Variants in SPATA13 observed in about 807,000 individuals in gnomAD.
SPATA13 encodes spermatogenesis associated 13, also known as spermatogenesis-associated protein 13.
SPATA13 carries 50 observed loss-of-function variants against 104.0 expected under a neutral mutation model. The ratio of observed to expected loss-of-function variants is 0.48; its 90% CI spans 0.38 to 0.61. The LOEUF (loss-of-function observed/expected upper bound fraction) is 0.61. SPATA13 is among the 20% of genes least tolerant of loss of function. The probability of loss-of-function intolerance (pLI) is 0.00; values close to 1 mark genes in which losing one functional copy is unlikely to be tolerated. For synonymous variants in SPATA13, 606 were observed against 667.5 expected (o/e 0.91, Z 1.42); for missense variants, 1,524 against 1,690.6 (o/e 0.90, Z 1.73).
At chr13:24,116,225 A>G (rs1292443042) in intron 3 of SPATA13, among the ~76,000 whole-genome samples, 1 of 152,236 alleles carries the variant, frequency 6.6e-6, no homozygotes, top group African/African-American at 2.4e-5. Flanking sequence ...CCTGCTTTTC[A>G]TGGATTGCAT....
intron 3 of SPATA13, among the ~76,000 whole-genome samples, chr13:24,053,168 G>C (rs570990294): frequency 2.6e-5 from 4 of 152,202 alleles, no homozygotes; most frequent in African/African-American, 9.6e-5. Context: ...TGAGCAGCAA[G>C]AACATTTTTG....
chr13:24,120,267 T>G (rs1203555039), intron 3 of SPATA13, among the ~76,000 whole-genome samples: 1 of 152,204 alleles, frequency 6.6e-6, no homozygotes, highest in Non-Finnish European at 1.5e-5. Flanking sequence ...AATTGGAGTG[T>G]AACTACAGGG....
In SPATA13 at chr13:24,114,791, T is replaced by C. The variant is rs776617089; in HGVS notation, c.-112+97090T>C. ...GATTCTCTTGTCTCAGCCTCCCGAG[T>C]AGCTGAAAATACAAGCATGCACCAC... On this transcript the variant is annotated intron_variant, in intron 3 of 14. Transcript: ENST00000424834. Among the ~76,000 whole-genome samples, 6 of 152,074 alleles carry C rather than the reference T, an allele frequency of 3.9e-5. 1 individual carries two copies. Among genetic ancestry groups the C allele is most frequent in the Non-Finnish European group, 8.8e-5 (6 of 68,006 alleles).
At chr13:24,102,182 T>G (rs1220450174) in intron 3 of SPATA13, among the ~76,000 whole-genome samples, 1 of 152,182 alleles carries the variant, frequency 6.6e-6, no homozygotes, top group East Asian at 1.9e-4. Context: ...CTCTAACAGG[T>G]GTGAGTGTAT....
chr13:24,148,358 TG>T (rs1217657666), intron 3 of SPATA13, among the ~76,000 whole-genome samples: 2 of 125,820 alleles, frequency 1.6e-5, no homozygotes, highest in African/African-American at 5.3e-5. Flanking sequence ...AAGGCTTTTT[TG>T]TTTTTTTATT....
chr13:24,209,740 G>A (rs563675005), intron 1 of SPATA13, among the ~76,000 whole-genome samples: 1 of 152,164 alleles, frequency 6.6e-6, no homozygotes, highest in East Asian at 1.9e-4. Context: ...GGGTGTAGAC[G>A]TCTTTTTGAG....
chr13:24,242,908 G>C (rs971647615), intron 2 of SPATA13, among the ~76,000 whole-genome samples: 1 of 152,154 alleles, frequency 6.6e-6, no homozygotes, highest in Non-Finnish European at 1.5e-5. Context: ...GGGTATTTTT[G>C]GTTATGACAC....
At chr13:24,027,671 A>G (rs9551041) in intron 3 of SPATA13, among the ~76,000 whole-genome samples, 118,598 of 152,138 alleles carry the variant, frequency 0.78, 46,852 homozygotes, top group Middle Eastern at 0.85. Context: ...GTATAAGCAA[A>G]TAAGCCTCTT....
intron 3 of SPATA13, among the ~76,000 whole-genome samples, chr13:24,082,264 T>C (rs1374418612): frequency 6.6e-6 from 1 of 152,192 alleles, no homozygotes; most frequent in African/African-American, 2.4e-5. Flanking sequence ...AGCACGTAAG[T>C]GTTCTGTGGC....
chr13:24,304,627 C>T lies in SPATA13; in HGVS notation c.*1854C>T, dbSNP rs1877453661. ...ACATCATGCATCAAGAAAACATAACCTTGGTCCTCAGGTGAACCCTTGGAA... is the reference window on the plus strand; with the variant it reads ...ACATCATGCATCAAGAAAACATAACTTTGGTCCTCAGGTGAACCCTTGGAA... On this transcript the variant is annotated 3_prime_UTR_variant, in exon 13 of 13. Transcript: ENST00000382108. The T allele has an allele frequency of 6.6e-6, 1 of 152,276 alleles. No homozygotes were observed. Among genetic ancestry groups the T allele is most frequent in the Non-Finnish European group, 1.5e-5 (1 of 68,100 alleles). 9.4% of individuals were successfully genotyped at this position (152,276 alleles called of 1,614,324 possible). A position where few individuals can be genotyped will look rare whatever the true frequency, so the allele number is the denominator to read the frequency against.
chr13:24,138,521 C>A (rs542728664), intron 3 of SPATA13, among the ~76,000 whole-genome samples: 1 of 152,210 alleles, frequency 6.6e-6, no homozygotes, highest in African/African-American at 2.4e-5. Flanking sequence ...TAATAATTAG[C>A]AAATATCCTT....
intron 2 of SPATA13, among the ~76,000 whole-genome samples, chr13:24,007,991 G>A (rs766700665): frequency 2.4e-4 from 36 of 152,170 alleles, no homozygotes; most frequent in African/African-American, 8.0e-4. Context: ...AGGCAGGCGC[G>A]GCCCAAAGGC....
rs149333262 is a variant in SPATA13, at chr13:24,168,263, C to T, written c.-112+7331C>T. On this transcript the variant is annotated intron_variant, in intron 1 of 12. Transcript: ENST00000382108. ...TGAAGCCTGGGATCCAGTTTAATTT[C>T]TGTCAGTTTCTAATTTCTTTTAGTG... 4.9e-3 allele frequency among the ~76,000 whole-genome samples: 742 copies of T among 152,300 alleles called. 9 individuals are homozygous for T. The highest frequency in any genetic ancestry group is 0.017 in the African/African-American group (719 of 41,556).
Position 24,115,598 on chromosome 13 carries a change from G to T in SPATA13, c.-112+97897G>T, listed in dbSNP as rs1422500268. On this transcript the variant is annotated intron_variant, in intron 3 of 14. Transcript: ENST00000424834. ...CTCCCTTCATGTCCATGGAAAAATT[G>T]TCTTCTACAAAACCAGTCCGTGGTG... 6.6e-5 allele frequency among the ~76,000 whole-genome samples: 10 copies of T among 152,236 alleles called. No individual in the cohort carries two copies. In the East Asian group the frequency reaches 1.3e-3, roughly 20 times the overall value.
rs550103082 is a variant in SPATA13, at chr13:24,267,967, C to T, written c.2164+16105C>T. ...AAATGTTGATTCTGATTCTGCAGAC[C>T]TGGGGCAGGGCCCAGGAATCTGAAT... On this transcript the variant is annotated intron_variant, in intron 4 of 12. Coordinates refer to ENST00000382108, the MANE Select transcript of SPATA13 (RefSeq NM_001166271.3). Among the ~76,000 whole-genome samples, 7 of 152,338 alleles carry T rather than the reference C, an allele frequency of 4.6e-5. No individual in the cohort carries two copies. In the South Asian group the frequency reaches 1.4e-3, roughly 32 times the overall value.
In SPATA13 at chr13:24,161,689, G is replaced by A. The variant is rs1280892234; in HGVS notation, c.-112+757G>A. On this transcript the variant is annotated intron_variant, in intron 1 of 12. Transcript: ENST00000382108. This position sits in a 1 kb window ranked among gnomAD's most constrained non-coding sequence, Gnocchi z 4.5. ...GAGCAAATTTCCCCTCCCTCCAAGT[G>A]CAGGAAAACCAAACCAAAGCAAGCA... 1.3e-5 allele frequency among the ~76,000 whole-genome samples: 2 copies of A among 152,158 alleles called. No individual in the cohort carries two copies. The highest frequency in any genetic ancestry group is 2.9e-5 in the Non-Finnish European group (2 of 68,030).
intron 3 of SPATA13, among the ~76,000 whole-genome samples, chr13:24,084,074 C>G (rs1275769805): frequency 6.6e-6 from 1 of 151,478 alleles, no homozygotes; most frequent in Admixed American, 6.6e-5. Flanking sequence ...TTTACTCCTT[C>G]TTCTCAGAAA....
chr13:24,174,963 T>G (rs1189580359), intron 1 of SPATA13, among the ~76,000 whole-genome samples: 3 of 152,230 alleles, frequency 2.0e-5, no homozygotes, highest in Admixed American at 6.5e-5. Context: ...GGAGATTTTT[T>G]TGTTAACTTT....
intron 3 of SPATA13, among the ~76,000 whole-genome samples, chr13:24,130,062 T>C (rs938000433): frequency 6.6e-6 from 1 of 152,222 alleles, no homozygotes; most frequent in Non-Finnish European, 1.5e-5. Flanking sequence ...CTTCAGGATG[T>C]TTTCTTTCTG....
Sources: gnomAD v4.1 joint callset for allele counts (sites outside exome capture counted in the v4.1 genomes callset) on GRCh38, gnomAD v4.1.1 for gene constraint, Gnocchi (gnomAD v3.1) non-coding constraint, MANE v1.5 for transcripts, NCBI Gene and HGNC (gene_info 2026-07-23, HGNC 2026-07-21) for gene names.